The following EML1 variants were observed in gnomAD, a reference collection of about 807,000 sequenced individuals.
EML1 encodes the protein EMAP like 1, also known as echinoderm microtubule-associated protein-like 1.
Under a neutral mutation model 110.4 loss-of-function variants are expected in EML1, and 27 were observed. The ratio of observed to expected loss-of-function variants is 0.24; its 90% CI spans 0.18 to 0.34. The LOEUF is 0.34. Ranked by LOEUF, EML1 falls within the 10% of genes least tolerant of loss-of-function variation. The pLI is 1.00. For synonymous variants in EML1, 344 were observed against 385.8 expected, an observed-to-expected ratio of 0.89 and a Z score of 1.27; for missense variants, 741 against 1,030.9, an observed-to-expected ratio of 0.72 and a Z score of 3.85.
intron 3 of EML1, among the ~76,000 whole-genome samples, chr14:99,868,051 C>T (rs1017478623): frequency 3.3e-5 from 5 of 152,066 alleles, no homozygotes; most frequent in African/African-American, 1.2e-4. Context: ...TTGTCAAATG[C>T]TTTTTCTGCA....
intron 1 of EML1, among the ~76,000 whole-genome samples, chr14:99,842,239 A>G (rs1022267031): frequency 3.3e-5 from 5 of 152,244 alleles, no homozygotes; most frequent in African/African-American, 1.2e-4. Context: ...TGAAATGCTT[A>G]GAGATTCAAA....
At chr14:99,914,465 G>A (rs1162621239) in intron 14 of EML1, 101 bp from the exon 15 acceptor site, 5 of 1,532,498 alleles carry the variant, frequency 3.3e-6, no homozygotes, top group South Asian at 1.3e-5. Context: ...GTTGAGAGCA[G>A]TTATGAAGTC....
chr14:99,751,926 G>A (rs1324752487), intron 1 of EML1, among the ~76,000 whole-genome samples: 2 of 152,096 alleles, frequency 1.3e-5, no homozygotes, highest in Non-Finnish European at 2.9e-5. Context: ...GGAGTGACAG[G>A]ACCTCACATC....
chr14:99,761,745 C>T (rs1181478023), intron 1 of EML1, among the ~76,000 whole-genome samples: 5 of 151,776 alleles, frequency 3.3e-5, no homozygotes, highest in African/African-American at 4.8e-5. Context: ...GCCAACATGG[C>T]GAAACCCTGT....
At chr14:99,760,381 G>A (rs1369365272) in intron 1 of EML1, among the ~76,000 whole-genome samples, 1 of 152,092 alleles carries the variant, frequency 6.6e-6, no homozygotes. Context: ...TATGTCACAA[G>A]CATTTCCCAC....
intron 1 of EML1, among the ~76,000 whole-genome samples, chr14:99,834,445 G>T (rs535314482): frequency 1.3e-5 from 2 of 152,142 alleles, no homozygotes; most frequent in South Asian, 4.2e-4. Flanking sequence ...GGGACTACAG[G>T]TGCACGCCAC....
chr14:99,764,370 G>A (rs1320691508), intron 1 of EML1, among the ~76,000 whole-genome samples: 1 of 152,244 alleles, frequency 6.6e-6, no homozygotes, highest in Non-Finnish European at 1.5e-5. Flanking sequence ...GATAGTGCCA[G>A]GTGGGGCTGG....
rs2060011642 is a variant in EML1, at chr14:99,915,136, G to A, written c.1752+439G>A. On this transcript the variant is annotated intron_variant, in intron 15 of 21. Transcript: ENST00000262233. ...TGAACTTTCGTTTGAAAGTCAGCTG[G>A]GCACGGTGGCTCATGCCTGTAATCC... 2.3e-5 allele frequency: 5 copies of A among 218,718 alleles called. No homozygotes were observed. The South Asian group carries it at 3.3e-4, about 14-fold the overall frequency. 13.5% of individuals were successfully genotyped at this position (218,718 alleles called of 1,614,324 possible).
At chr14:99,749,201 G>A (rs893574644) in intron 1 of EML1, among the ~76,000 whole-genome samples, 3 of 152,158 alleles carry the variant, frequency 2.0e-5, no homozygotes, top group Non-Finnish European at 4.4e-5. Flanking sequence ...CGGATCATAC[G>A]GTGACTCTAT....
intron 1 of EML1, among the ~76,000 whole-genome samples, chr14:99,766,231 G>C (rs1201284191): frequency 1.5e-5 from 2 of 136,318 alleles, no homozygotes; most frequent in Non-Finnish European, 3.1e-5. Flanking sequence ...GTCTCACTCT[G>C]TTGCCCAGGC....
chr14:99,780,424 T>C (rs2140214274), intron 1 of EML1, among the ~76,000 whole-genome samples: 1 of 152,300 alleles, frequency 6.6e-6, no homozygotes, highest in South Asian at 2.1e-4. Flanking sequence ...GTTCAGCTTG[T>C]CTGGGGCAGA....
chr14:99,928,523 A>G (rs987463097), intron 17 of EML1, among the ~76,000 whole-genome samples: 2 of 151,986 alleles, frequency 1.3e-5, no homozygotes, highest in African/African-American at 4.8e-5. Context: ...GCCACAGGGT[A>G]GGGGATTGTC....
intron 1 of EML1, among the ~76,000 whole-genome samples, chr14:99,801,169 T>G (rs953026917): frequency 1.3e-5 from 2 of 152,202 alleles, no homozygotes; most frequent in Non-Finnish European, 2.9e-5. Context: ...CAGCCCACAG[T>G]TAAAGATAAC....
At chr14:99,751,125 C>T (rs775492287) in intron 1 of EML1, among the ~76,000 whole-genome samples, 40 of 152,294 alleles carry the variant, frequency 2.6e-4, no homozygotes, top group Non-Finnish European at 4.4e-4. Context: ...GCACCTACTG[C>T]TAGCCAGGCC....
chr14:99,929,099 T>G (rs1232509882), intron 17 of EML1, among the ~76,000 whole-genome samples: 2 of 152,206 alleles, frequency 1.3e-5, no homozygotes, highest in African/African-American at 4.8e-5. Context: ...ATGTTTCTAT[T>G]TCTTGTCAGT....
chr14:99,925,275 C>CTT (rs972066503), intron 17 of EML1, among the ~76,000 whole-genome samples: 15 of 136,046 alleles, frequency 1.1e-4, no homozygotes, highest in Middle Eastern at 3.8e-3. Flanking sequence ...TTTCTTTTTT[C>CTT]TTTTTTTTTT....
intron 1 of EML1, among the ~76,000 whole-genome samples, chr14:99,748,612 C>T (rs2057140331): frequency 6.6e-6 from 1 of 151,960 alleles, no homozygotes; most frequent in Non-Finnish European, 1.5e-5. Flanking sequence ...GAGTCATGAT[C>T]GCTCCACTGC....
chr14:99,913,305 T>G (rs925413430), intron 13 of EML1, among the ~76,000 whole-genome samples: 3 of 151,942 alleles, frequency 2.0e-5, no homozygotes, highest in Non-Finnish European at 4.4e-5. Flanking sequence ...CTTGAGTAGC[T>G]TTCCAGCTAC....
Position 99,909,384 on chromosome 14 carries a change from A to G in EML1, c.1144A>G (p.Thr382Ala). ...TGTGTTTGCTGCGGATTTCCACCCC[A>G]CGGACACCAACATCATAGTTACTTG... The part of the protein sequence containing the change: ...EAVFAADFHP[T>A]DTNIIVTCGK... The change falls in exon 11 of 22, where the codon ACG (threonine) becomes GCG (alanine). Residue 382 changes from threonine (T) to alanine (A), a missense_variant. Transcript: ENST00000262233. 2 of 1,614,156 alleles carry G rather than the reference A, an allele frequency of 1.2e-6. No individual in the cohort carries two copies. The highest frequency in any genetic ancestry group is 8.5e-7 in the Non-Finnish European group (1 of 1,180,034).
Sources: gnomAD v4.1 joint callset for allele counts (sites outside exome capture counted in the v4.1 genomes callset) on GRCh38, gnomAD v4.1.1 for gene constraint, MANE v1.5 for transcripts, NCBI Gene and HGNC (gene_info 2026-07-23, HGNC 2026-07-21) for gene names.